MAST2: variants seen among roughly 807,000 people sequenced by gnomAD.
MAST2 encodes the protein microtubule-associated serine/threonine-protein kinase 2.
Under a neutral mutation model 147.4 loss-of-function variants are expected in MAST2, and 70 were observed. That is an observed-to-expected ratio of 0.47 (90% confidence interval 0.39 to 0.58). The LOEUF (loss-of-function observed/expected upper bound fraction) is 0.58, where lower values mean the gene tolerates loss of function less well. Among genes scored for constraint, MAST2 ranks in the 20% least tolerant of loss-of-function variants. The probability of loss-of-function intolerance (pLI) is 0.00; values close to 1 mark genes in which losing one functional copy is unlikely to be tolerated. For synonymous variants in MAST2, 869 were observed against 896.8 expected, an observed-to-expected ratio of 0.97 and a Z score of 0.55; for missense variants, 2,080 against 2,302.3, an observed-to-expected ratio of 0.90 and a Z score of 1.98.
chr1:45,912,641 C>T (rs1197977206), intron 4 of MAST2, among the ~76,000 whole-genome samples: 9 of 152,210 alleles, frequency 5.9e-5, no homozygotes, highest in Admixed American at 2.6e-4. Flanking sequence ...AGAAGCCCCT[C>T]AGAGTTGGCA....
intron 3 of MAST2, among the ~76,000 whole-genome samples, chr1:45,863,212 G>A (rs985094882): frequency 1.3e-5 from 2 of 152,058 alleles, no homozygotes; most frequent in African/African-American, 4.8e-5. Context: ...TAAATTAGAA[G>A]CCACTCCTAC....
chr1:45,982,892 A>G, intron 5 of MAST2, among the ~76,000 whole-genome samples: 1 of 152,204 alleles, frequency 6.6e-6, no homozygotes, highest in East Asian at 1.9e-4. Context: ...TCAGAGTTTA[A>G]TTGCAGTATA....
chr1:45,928,378 T>G (rs1056006279), intron 4 of MAST2, among the ~76,000 whole-genome samples: 1 of 152,136 alleles, frequency 6.6e-6, no homozygotes, highest in African/African-American at 2.4e-5. Context: ...TTGCAGTTGG[T>G]TTTTTGGAAT....
At chr1:45,935,801 T>C (rs1347013078) in intron 4 of MAST2, among the ~76,000 whole-genome samples, 1 of 152,204 alleles carries the variant, frequency 6.6e-6, no homozygotes, top group Non-Finnish European at 1.5e-5. Flanking sequence ...CCTTGTGGTA[T>C]AGTTTGAAAT....
chr1:45,967,049 T>C (rs1162794428), intron 5 of MAST2, among the ~76,000 whole-genome samples: 1 of 151,818 alleles, frequency 6.6e-6, no homozygotes, highest in Non-Finnish European at 1.5e-5. Flanking sequence ...CTCACACTTG[T>C]AATCCCAGCA....
At chr1:45,995,748 G>A (rs560257334) in intron 5 of MAST2, among the ~76,000 whole-genome samples, 64 of 152,258 alleles carry the variant, frequency 4.2e-4, no homozygotes, top group Admixed American at 5.2e-4. Flanking sequence ...TAATTTTCTG[G>A]ATCTTTGCCT....
intron 3 of MAST2, among the ~76,000 whole-genome samples, chr1:45,873,637 A>G (rs142951179): frequency 3.7e-4 from 56 of 152,334 alleles, no homozygotes; most frequent in Non-Finnish European, 4.9e-4. Flanking sequence ...AATGAGGTTT[A>G]GAAAGGTTTA....
In MAST2 at chr1:46,032,225, C is replaced by G. The variant is rs1265755054; in HGVS notation, c.3235C>G (p.Gln1079Glu). The G allele has an allele frequency of 1.9e-6, 3 of 1,614,220 alleles. No individual in the cohort carries two copies. The South Asian group carries it at 3.3e-5, about 18-fold the overall frequency. Residue 1079 changes from glutamine (Q) to glutamate (E), a missense_variant, in exon 25 of 29, where the codon CAG (glutamine) becomes GAG (glutamate). Transcript: ENST00000361297. ...GGCCAGCCCCATGTCCCCACATTCT[C>G]AGTCGTCCAACCCATCATCCCGGGA... ...PLASPMSPHS[Q>E]SSNPSSRDSS... is the part of the protein sequence containing the mutation.
At chr1:46,012,583 C>T (rs991476429) in intron 10 of MAST2, among the ~76,000 whole-genome samples, 5 of 152,114 alleles carry the variant, frequency 3.3e-5, no homozygotes, top group South Asian at 2.1e-4. Flanking sequence ...ATGTGATTGA[C>T]GAGCACTAGA....
chr1:46,020,104 T>A (rs937053858), intron 11 of MAST2, among the ~76,000 whole-genome samples: 1 of 152,220 alleles, frequency 6.6e-6, no homozygotes, highest in East Asian at 1.9e-4. Flanking sequence ...GATCTTGGGA[T>A]GTTTCCTCTA....
intron 4 of MAST2, among the ~76,000 whole-genome samples, chr1:45,890,094 G>GT (rs1280440241): frequency 1.3e-5 from 2 of 152,092 alleles, no homozygotes; most frequent in African/African-American, 4.8e-5. Flanking sequence ...CACCTTTCAA[G>GT]TCCCAGCTTA....
intron 3 of MAST2, among the ~76,000 whole-genome samples, chr1:45,881,435 A>G (rs1006803296): frequency 1.3e-5 from 2 of 152,196 alleles, no homozygotes; most frequent in African/African-American, 4.8e-5. Context: ...CAATACTACT[A>G]ATTTTTTACA....
In MAST2 at chr1:46,023,797, T is replaced by A; in HGVS notation, c.1597T>A (p.Ser533Thr). The A allele has an allele frequency of 6.2e-7, 1 of 1,613,968 alleles. No individual in the cohort carries two copies. Among genetic ancestry groups the A allele is most frequent in the South Asian group, 1.1e-5 (1 of 91,052 alleles). The stretch of plus-strand genomic sequence containing the variant: ...GGCTGTATTTCTGGTGCGGCACAAG[T>A]CCACCCGGCAGCGCTTTGCCATGAA... ...YGAVFLVRHKSTRQRFAMKKI... is the reference protein window; with the variant it reads ...YGAVFLVRHKTTRQRFAMKKI... Residue 533 changes from serine (S) to threonine (T), a missense_variant, in exon 15 of 29, where the codon TCC becomes ACC. Ser to Thr is a moderately conservative substitution (Grantham distance 58, BLOSUM62 1). Coordinates refer to ENST00000361297, the MANE Select transcript of MAST2 (RefSeq NM_015112.3). This position sits in a 1 kb window ranked among gnomAD's most constrained non-coding sequence, Gnocchi z 4.9.
intron 4 of MAST2, among the ~76,000 whole-genome samples, chr1:45,911,558 T>A (rs1459847557): frequency 1.3e-5 from 2 of 152,114 alleles, no homozygotes; most frequent in Admixed American, 1.3e-4. Context: ...ACTGCTCCAG[T>A]TTACCAACTT....
intron 27 of MAST2, 39 bp downstream of exon 27, chr1:46,033,977 CATGAGTGCTG>C: frequency 6.2e-7 from 1 of 1,611,878 alleles, no homozygotes; most frequent in Non-Finnish European, 8.5e-7. Flanking sequence ...CTCTGAGCCA[CATGAGTGCTG>C]GTACGTGGTG....
At chr1:45,938,983 A>G (rs1656715698) in intron 4 of MAST2, among the ~76,000 whole-genome samples, 2 of 151,312 alleles carry the variant, frequency 1.3e-5, no homozygotes, top group African/African-American at 4.9e-5. Context: ...ATTTGCAATT[A>G]TTTTCTCCCT....
chr1:45,884,163 A>T (rs1646978212), intron 4 of MAST2, among the ~76,000 whole-genome samples: 4 of 151,912 alleles, frequency 2.6e-5, no homozygotes, highest in Non-Finnish European at 5.9e-5. Context: ...AAAAACGTTT[A>T]ATTAATAAGG....
chr1:45,881,592 G>T (rs1056011147), intron 3 of MAST2, among the ~76,000 whole-genome samples: 1 of 152,184 alleles, frequency 6.6e-6, no homozygotes, highest in Non-Finnish European at 1.5e-5. Context: ...TGCCAGTGGT[G>T]TGTGAAGTCA....
At chr1:46,013,568 C>T (rs1201193063) in intron 10 of MAST2, among the ~76,000 whole-genome samples, 1 of 151,648 alleles carries the variant, frequency 6.6e-6, no homozygotes, top group Non-Finnish European at 1.5e-5. Flanking sequence ...TAATCCCAGC[C>T]GCTCGGGAGG....
Sources: gnomAD v4.1 joint callset for allele counts (sites outside exome capture counted in the v4.1 genomes callset) on GRCh38, gnomAD v4.1.1 for gene constraint, Gnocchi (gnomAD v3.1) non-coding constraint, MANE v1.5 for transcripts, NCBI Gene and HGNC (gene_info 2026-07-23, HGNC 2026-07-21) for gene names.